Variants in MYO1E observed in about 807,000 individuals in gnomAD.
MYO1E encodes myosin IE, also known as unconventional myosin-Ie.
A neutral mutation model predicts 151.1 loss-of-function variants in MYO1E; 68 were observed. That is an observed-to-expected ratio of 0.45 (90% CI 0.37 to 0.55). The LOEUF (loss-of-function observed/expected upper bound fraction) is 0.55, where lower values mean the gene tolerates loss of function less well. MYO1E is among the 20% of genes least tolerant of loss of function. MYO1E has a pLI of 0.00. For missense variants in MYO1E, 1,363 were observed against 1,389.3 expected (o/e 0.98, Z 0.30); for synonymous variants, 601 against 501.7 (o/e 1.20, Z -2.64).
intron 4 of MYO1E, among the ~76,000 whole-genome samples, chr15:59,244,857 A>C (rs1477244803): frequency 6.6e-6 from 1 of 152,212 alleles, no homozygotes; most frequent in Non-Finnish European, 1.5e-5. Context: ...AGTTGCTGTT[A>C]TGTTTATGGG....
In MYO1E at chr15:59,370,305, G is replaced by A. The variant is rs143106562; in HGVS notation, c.3+2193C>T. 5.5e-3 allele frequency among the ~76,000 whole-genome samples: 833 copies of A among 152,224 alleles called. 1 individual carries two copies. Among genetic ancestry groups the A allele is most frequent in the Non-Finnish European group, 0.01 (684 of 68,024 alleles). ...CATAAACATTAAATATTGTAACTTG[G>A]GTTTCTGATTATTTAAGATGATGCT... On this transcript the variant is annotated intron_variant, in intron 1 of 27. Coordinates refer to ENST00000288235, the MANE Select transcript of MYO1E (RefSeq NM_004998.4).
intron 26 of MYO1E, among the ~76,000 whole-genome samples, chr15:59,147,596 C>CAAAAA (rs748173480): frequency 0.01 from 681 of 66,078 alleles, 106 homozygotes; most frequent in African/African-American, 0.038. Context: ...GACTCTGTCT[C>CAAAAA]AAAAAAAAAA....
rs150794882 is a variant in MYO1E, at chr15:59,297,626, G to A, written c.4-25177C>T. 5.7e-3 allele frequency among the ~76,000 whole-genome samples: 865 copies of A among 151,602 alleles called. 4 individuals carry two copies. Among genetic ancestry groups the A allele is most frequent in the Middle Eastern group, 0.02 (6 of 294 alleles). On this transcript the variant is annotated intron_variant, in intron 1 of 27. Transcript: ENST00000288235. ...GACAGGGTCGTGCTCTTGTGGCCTG[G>A]GCTGGAGTACAGTGGTGCGATGAGG... is the stretch of plus-strand genomic sequence containing the variant.
At chr15:59,281,957 T>C (rs1214223170) in intron 1 of MYO1E, among the ~76,000 whole-genome samples, 2 of 148,692 alleles carry the variant, frequency 1.3e-5, no homozygotes, top group East Asian at 3.9e-4. Context: ...AGCAAGACCC[T>C]GTTCAAAAAA....
chr15:59,307,841 C>T (rs936944530), intron 1 of MYO1E, among the ~76,000 whole-genome samples: 2 of 151,534 alleles, frequency 1.3e-5, no homozygotes, highest in Non-Finnish European at 3.0e-5. Flanking sequence ...AACTCCTGAC[C>T]TCAGGCGATC....
At chr15:59,189,214 C>A (rs771527701) in intron 17 of MYO1E, among the ~76,000 whole-genome samples, 8 of 152,134 alleles carry the variant, frequency 5.3e-5, no homozygotes, top group Non-Finnish European at 8.8e-5. Context: ...CATGCACCAC[C>A]ACACCTGGCT....
rs891575159 is a variant in MYO1E at position 59,325,105 on chromosome 15, G to A, written c.3+47393C>T. On this transcript the variant is annotated intron_variant, in intron 1 of 27. Coordinates refer to ENST00000288235, the MANE Select transcript of MYO1E (RefSeq NM_004998.4). Reference sequence around the variant, plus strand: ...GCTGGAGTGCAGTGGCACAATCTCAGCTCACTGCAACCTCCACCTCCTGGG... The same window carrying A: ...GCTGGAGTGCAGTGGCACAATCTCAACTCACTGCAACCTCCACCTCCTGGG... Among the ~76,000 whole-genome samples the A allele has an allele frequency of 2.6e-5, 4 of 151,796 alleles. No homozygotes were observed. The East Asian group carries it at 7.7e-4, about 29-fold the overall frequency.
intron 10 of MYO1E, among the ~76,000 whole-genome samples, chr15:59,216,928 A>T (rs1362577196): frequency 1.3e-5 from 2 of 150,926 alleles, no homozygotes; most frequent in South Asian, 2.1e-4. Context: ...CTTCTTGCTC[A>T]TTCTCTCTTT....
intron 26 of MYO1E, among the ~76,000 whole-genome samples, chr15:59,140,608 C>A (rs1021225597): frequency 2.6e-5 from 4 of 152,216 alleles, no homozygotes; most frequent in Admixed American, 2.0e-4. Flanking sequence ...TTCCTGGGGC[C>A]TGAGTTCTGG....
chr15:59,344,861 G>A (rs568659300), intron 1 of MYO1E, among the ~76,000 whole-genome samples: 1 of 152,266 alleles, frequency 6.6e-6, no homozygotes, highest in African/African-American at 2.4e-5. Flanking sequence ...GCAGCCATTA[G>A]CCAGTCAATA....
At chr15:59,236,400 AC>A (rs1566988384) in intron 5 of MYO1E, among the ~76,000 whole-genome samples, 184 bp downstream of exon 5, 3 of 151,010 alleles carry the variant, frequency 2.0e-5, no homozygotes, top group African/African-American at 7.3e-5. Context: ...ACACACACAC[AC>A]ACACACACAC....
intron 12 of MYO1E, among the ~76,000 whole-genome samples, chr15:59,211,169 C>G (rs1349542873): frequency 6.9e-6 from 1 of 145,596 alleles, no homozygotes; most frequent in Non-Finnish European, 1.5e-5. Context: ...CACTGCACTT[C>G]AGCCTGGATG....
intron 4 of MYO1E, among the ~76,000 whole-genome samples, chr15:59,251,028 G>A (rs1165747209): frequency 1.3e-5 from 2 of 152,186 alleles, no homozygotes. Context: ...ACACCCAGAA[G>A]AGGGAAAATG....
chr15:59,139,199 ACCAG>A, intron 26 of MYO1E, among the ~76,000 whole-genome samples: 1 of 151,198 alleles, frequency 6.6e-6, no homozygotes, highest in Non-Finnish European at 1.5e-5. Flanking sequence ...CTTCCCTCCC[ACCAG>A]TTCATTATTA....
chr15:59,216,157 C>T (rs1007901365), intron 10 of MYO1E, among the ~76,000 whole-genome samples: 7 of 152,096 alleles, frequency 4.6e-5, no homozygotes, highest in African/African-American at 1.4e-4. Flanking sequence ...GATTGAATGG[C>T]CCCCACTGTT....
chr15:59,190,170 C>T (rs1311711331), intron 17 of MYO1E, among the ~76,000 whole-genome samples: 4 of 152,196 alleles, frequency 2.6e-5, no homozygotes, highest in Admixed American at 2.0e-4. Flanking sequence ...CGCGAGCTGG[C>T]TGAACCAGAC....
chr15:59,326,618 AT>A (rs1477799822), intron 1 of MYO1E, among the ~76,000 whole-genome samples: 1 of 152,192 alleles, frequency 6.6e-6, no homozygotes, highest in African/African-American at 2.4e-5. Flanking sequence ...ATAACTGTTG[AT>A]TTTTTAATTA....
At chr15:59,273,841 G>A (rs906969143) in intron 1 of MYO1E, among the ~76,000 whole-genome samples, 8 of 152,152 alleles carry the variant, frequency 5.3e-5, no homozygotes, top group Admixed American at 4.6e-4. Flanking sequence ...GCACTGCACT[G>A]GGTGAGACTC....
At chr15:59,238,729 GC>G (rs2080081377) in intron 4 of MYO1E, among the ~76,000 whole-genome samples, 1 of 151,796 alleles carries the variant, frequency 6.6e-6, no homozygotes, top group South Asian at 2.1e-4. Flanking sequence ...GCACCACCAT[GC>G]CTAGCTAATT....
Sources: allele counts gnomAD v4.1 joint callset (sites outside exome capture counted in the v4.1 genomes callset), GRCh38; gene constraint gnomAD v4.1.1; transcripts MANE v1.5; gene names NCBI Gene and HGNC (gene_info 2026-07-23, HGNC 2026-07-21).